Variants in SFXN1 observed in about 807,000 individuals in gnomAD.
SFXN1 encodes the protein sideroflexin 1.
A neutral mutation model predicts 39.5 loss-of-function variants in SFXN1; 32 were observed. The ratio of observed to expected loss-of-function variants is 0.81; its 90% CI spans 0.61 to 1.09. The LOEUF (loss-of-function observed/expected upper bound fraction) is 1.09. Ranked by LOEUF, SFXN1 falls within the 50% of genes least tolerant of loss-of-function variation. The pLI is 0.00. For missense variants in SFXN1, 402 were observed against 407.1 expected, an observed-to-expected ratio of 0.99 and a Z score of 0.11; for synonymous variants, 136 against 146.5, an observed-to-expected ratio of 0.93 and a Z score of 0.52.
chr5:175,509,194 G>T lies in SFXN1; in HGVS notation c.327G>T (p.Thr109=). The change falls in exon 3 of 11, where the codon ACG becomes ACT. Residue 109 remains threonine, a synonymous_variant. Coordinates refer to ENST00000321442, the MANE Select transcript of SFXN1 (RefSeq NM_022754.7). ...MNMTITGCMM[T]FYRTTPAVLF... The stretch of plus-strand genomic sequence containing the variant: ...TGACCATCACAGGTTGTATGATGAC[G>T]TTTTACAGGTATGTTATGAATATGT... The T allele has an allele frequency of 6.2e-7, 1 of 1,611,364 alleles. No homozygotes were observed. The highest frequency in any genetic ancestry group is 1.1e-5 in the South Asian group (1 of 90,564).
chr5:175,494,459 C>G (rs1759781159), intron 2 of SFXN1, among the ~76,000 whole-genome samples: 1 of 152,176 alleles, frequency 6.6e-6, no homozygotes, highest in African/African-American at 2.4e-5. Flanking sequence ...AGAAAATATG[C>G]AAGTGCAGCC....
chr5:175,525,347 T>G (rs1310969032), intron 10 of SFXN1, among the ~76,000 whole-genome samples: 2 of 152,206 alleles, frequency 1.3e-5, no homozygotes, highest in Non-Finnish European at 2.9e-5. Flanking sequence ...TACAGAGTTT[T>G]CCTAAGGGTT....
intron 2 of SFXN1, among the ~76,000 whole-genome samples, chr5:175,499,647 G>A (rs1759997044): frequency 6.6e-6 from 1 of 152,168 alleles, no homozygotes; most frequent in South Asian, 2.1e-4. Flanking sequence ...AATAGAAGGG[G>A]AAGGTACAAC....
At chr5:175,488,739 G>A (rs1370657465) in intron 1 of SFXN1, among the ~76,000 whole-genome samples, 1 of 152,106 alleles carries the variant, frequency 6.6e-6, no homozygotes, top group African/African-American at 2.4e-5. Flanking sequence ...AATGAGACGT[G>A]CCTTGACTAC....
chr5:175,500,825 T>A (rs565067157), intron 2 of SFXN1, among the ~76,000 whole-genome samples: 1 of 152,294 alleles, frequency 6.6e-6, no homozygotes, highest in South Asian at 2.1e-4. Context: ...CACAAATGTG[T>A]ATAGTTAACT....
intron 2 of SFXN1, among the ~76,000 whole-genome samples, chr5:175,504,823 G>C (rs1298125420): frequency 6.6e-6 from 1 of 151,948 alleles, no homozygotes; most frequent in Non-Finnish European, 1.5e-5. Flanking sequence ...CTGCCTCCCG[G>C]GTTCACGCCA....
intron 1 of SFXN1, among the ~76,000 whole-genome samples, chr5:175,485,241 T>G (rs550870774): frequency 1.3e-5 from 2 of 152,352 alleles, no homozygotes; most frequent in South Asian, 4.1e-4. Flanking sequence ...CAGTGTTGTA[T>G]TCATTTCCTA....
intron 8 of SFXN1, among the ~76,000 whole-genome samples, chr5:175,518,066 G>GA (rs1373937852): frequency 6.6e-6 from 1 of 152,036 alleles, no homozygotes; most frequent in Non-Finnish European, 1.5e-5. Context: ...TGGAGAGCTG[G>GA]AAAAAACACA....
chr5:175,482,835 G>A (rs541508331), intron 1 of SFXN1, among the ~76,000 whole-genome samples: 34 of 152,230 alleles, frequency 2.2e-4, no homozygotes, highest in African/African-American at 6.5e-4. Flanking sequence ...GCTTAAATCC[G>A]GTTCTCATTC....
chr5:175,513,547 G>A lies in SFXN1; in HGVS notation c.681G>A (p.Thr227=), dbSNP rs370192877. 1.5e-5 allele frequency: 25 copies of A among 1,613,790 alleles called. No individual in the cohort carries two copies. Among genetic ancestry groups the A allele is most frequent in the East Asian group, 8.9e-5 (4 of 44,862 alleles). Residue 227 remains threonine (T), a synonymous_variant, in exon 7 of 11, where the codon ACG becomes ACA. Coordinates refer to ENST00000321442, the MANE Select transcript of SFXN1 (RefSeq NM_022754.7). ...CGAACGCTGCGAAACAAGCCATCAC[G>A]CAAGTTGTCGTGTCCAGGATTCTCA... ...ESANAAKQAI[T]QVVVSRILMA... is the part of the protein sequence containing the mutation.
chr5:175,503,103 G>A (rs898158559), intron 2 of SFXN1, among the ~76,000 whole-genome samples: 2 of 152,136 alleles, frequency 1.3e-5, no homozygotes, highest in Admixed American at 1.3e-4. Context: ...AGGGGCCCAA[G>A]GGAACTGTTG....
chr5:175,518,490 A>G lies in SFXN1; in HGVS notation c.774+1827A>G, dbSNP rs191137929. On this transcript the variant is annotated intron_variant, in intron 8 of 10. Coordinates refer to ENST00000321442, the MANE Select transcript of SFXN1 (RefSeq NM_022754.7). The stretch of plus-strand genomic sequence containing the variant: ...CCCCTGATCTCAGGGAGCATGTAGC[A>G]TGATATGGGGAAGAGGCGCAAGACA... 7.3e-3 allele frequency among the ~76,000 whole-genome samples: 1,118 copies of G among 152,322 alleles called. 16 individuals are homozygous for G. Among genetic ancestry groups the G allele is most frequent in the African/African-American group, 0.025 (1,046 of 41,570 alleles).
intron 2 of SFXN1, among the ~76,000 whole-genome samples, chr5:175,496,605 C>T (rs1213171830): frequency 2.0e-5 from 3 of 152,064 alleles, no homozygotes; most frequent in Non-Finnish European, 2.9e-5. Flanking sequence ...ACTAACATAA[C>T]AACAAATTAA....
intron 1 of SFXN1, among the ~76,000 whole-genome samples, chr5:175,486,598 C>T (rs190085146): frequency 7.4e-4 from 112 of 152,142 alleles, no homozygotes; most frequent in African/African-American, 2.6e-3. Flanking sequence ...CCTGTCTCTA[C>T]AACCAGTACA....
chr5:175,518,425 G>T (rs987496877), intron 8 of SFXN1, among the ~76,000 whole-genome samples: 34 of 152,266 alleles, frequency 2.2e-4, no homozygotes, highest in African/African-American at 7.9e-4. Flanking sequence ...TTTATGCCAA[G>T]CAATATGGTA....
intron 8 of SFXN1, among the ~76,000 whole-genome samples, chr5:175,519,123 T>C (rs1760803081): frequency 6.6e-6 from 1 of 152,236 alleles, no homozygotes; most frequent in Admixed American, 6.5e-5. Flanking sequence ...TCTTTAGTCG[T>C]TGGGAAACCT....
At chr5:175,517,649 A>G (rs984009070) in intron 8 of SFXN1, among the ~76,000 whole-genome samples, 10 of 152,200 alleles carry the variant, frequency 6.6e-5, no homozygotes, top group Non-Finnish European at 1.3e-4. Flanking sequence ...TCACCCATGT[A>G]GAGAGGACCA....
chr5:175,491,203 A>G (rs953964522), intron 1 of SFXN1, among the ~76,000 whole-genome samples: 3 of 152,222 alleles, frequency 2.0e-5, no homozygotes, highest in African/African-American at 7.2e-5. Context: ...ACTCCTATTC[A>G]TGGGACTGTG....
intron 2 of SFXN1, among the ~76,000 whole-genome samples, chr5:175,504,792 G>A (rs1279883186): frequency 1.3e-5 from 2 of 152,038 alleles, no homozygotes; most frequent in African/African-American, 2.4e-5. Flanking sequence ...GCAGTGGCGC[G>A]ATCTTGGTTC....
Sources: gnomAD v4.1 joint callset for allele counts (sites outside exome capture counted in the v4.1 genomes callset) on GRCh38, gnomAD v4.1.1 for gene constraint, MANE v1.5 for transcripts, NCBI Gene and HGNC (gene_info 2026-07-23, HGNC 2026-07-21) for gene names.